PRSS23: variants seen among roughly 807,000 people sequenced by gnomAD.
The protein encoded by PRSS23 is protease, serine 23.
PRSS23 carries 25 observed loss-of-function variants against 34.7 expected under a neutral mutation model. The ratio of observed to expected loss-of-function variants is 0.72; its 90% confidence interval spans 0.53 to 1.01. The LOEUF (loss-of-function observed/expected upper bound fraction) is 1.01, where lower values mean the gene tolerates loss of function less well. PRSS23 is among the 50% of genes least tolerant of loss of function. PRSS23 has a pLI of 0.00. For missense variants in PRSS23, 445 were observed against 475.6 expected (o/e 0.94, Z 0.60); for synonymous variants, 176 against 186.6 (o/e 0.94, Z 0.46).
intron 2 of PRSS23, among the ~76,000 whole-genome samples, chr11:86,923,381 A>G (rs4567493): frequency 0.6 from 91,211 of 151,992 alleles, 27,689 homozygotes; most frequent in Non-Finnish European, 0.65. Flanking sequence ...AGCCTCCCAA[A>G]TTGCTGGGAT....
chr11:86,832,882 G>C (rs1948371212), intron 2 of PRSS23: 1 of 326,884 alleles, frequency 3.1e-6, no homozygotes, highest in African/African-American at 2.2e-5. Flanking sequence ...TGGTGAAGGT[G>C]TCACAACACG....
intron 2 of PRSS23, among the ~76,000 whole-genome samples, chr11:86,877,362 C>A (rs368284227): frequency 3.9e-5 from 6 of 152,212 alleles, no homozygotes; most frequent in East Asian, 3.8e-4. Context: ...TTTCTTCTTA[C>A]ACGGTTCCCG....
At chr11:86,831,748 T>C (rs1481948638) in intron 2 of PRSS23, among the ~76,000 whole-genome samples, 2 of 151,924 alleles carry the variant, frequency 1.3e-5, no homozygotes, top group Non-Finnish European at 2.9e-5. Flanking sequence ...AATGTCATAA[T>C]GCTTGTACAC....
Position 86,823,734 on chromosome 11 carries a change from C to T in PRSS23, c.206+141C>T, listed in dbSNP as rs374126258. On this transcript the variant is annotated intron_variant, in intron 2 of 2. Transcript: ENST00000533902. ...TCAAGAATTCAGAGCAGGCCGGGCGCGGTGGCTCACGCCTGTAATCCCAGC... is the reference window on the plus strand; with the variant it reads ...TCAAGAATTCAGAGCAGGCCGGGCGTGGTGGCTCACGCCTGTAATCCCAGC... 122 of 623,220 alleles carry T rather than the reference C, an allele frequency of 2.0e-4. 1 individual carries two copies. Among genetic ancestry groups the T allele is most frequent in the South Asian group, 3.1e-4 (17 of 55,212 alleles). 38.6% of individuals were successfully genotyped at this position (623,220 alleles called of 1,614,324 possible).
At chr11:86,896,549 T>C (rs1948877280) in intron 2 of PRSS23, 1 of 152,238 alleles carries the variant, frequency 6.6e-6, no homozygotes, top group Non-Finnish European at 1.5e-5. Flanking sequence ...TCCTGCATGA[T>C]AGAAACCCTT....
chr11:86,951,459 GTCTT>G (rs1949291534), exon 3 of PRSS23: 2 of 1,613,804 alleles, frequency 1.2e-6, no homozygotes, highest in African/African-American at 1.3e-5. Flanking sequence ...TTGACCATCA[GTCTT>G]TCTAACTTGT....
chr11:86,864,254 G>A (rs1160475472), intron 2 of PRSS23, among the ~76,000 whole-genome samples: 3 of 151,978 alleles, frequency 2.0e-5, no homozygotes, highest in Admixed American at 2.0e-4. Flanking sequence ...TAGTGTTCCT[G>A]GCCTGACACA....
chr11:86,793,330 T>C (rs139204929), intron 1 of PRSS23, among the ~76,000 whole-genome samples: 5 of 152,306 alleles, frequency 3.3e-5, no homozygotes, highest in African/African-American at 1.2e-4. Flanking sequence ...GAAACACATA[T>C]TGTCCAATAG....
chr11:86,918,176 AT>A (rs1478205811), intron 2 of PRSS23, among the ~76,000 whole-genome samples: 1 of 151,374 alleles, frequency 6.6e-6, no homozygotes, highest in Admixed American at 6.6e-5. Flanking sequence ...TACGTAGGAA[AT>A]AAAATAAAGC....
At chr11:86,937,477 T>C (rs1291511275) in intron 2 of PRSS23, 1 of 152,036 alleles carries the variant, frequency 6.6e-6, no homozygotes, top group East Asian at 1.9e-4. Context: ...AGTCACAGGA[T>C]GAGATAGGAG....
chr11:86,831,132 C>T lies in PRSS23; in HGVS notation c.206+7539C>T, dbSNP rs150629397. On this transcript the variant is annotated intron_variant, in intron 2 of 2. Transcript: ENST00000533902. ...CTAATGTCACAGAAGGTGTACACTC[C>T]GTGATATTATTTTTTATATCCTAGC... Among the ~76,000 whole-genome samples the T allele has an allele frequency of 1.4e-3, 216 of 151,966 alleles. 1 individual carries two copies. The highest frequency in any genetic ancestry group is 4.8e-3 in the African/African-American group (198 of 41,422).
At chr11:86,884,584 A>G (rs2511886) in intron 2 of PRSS23, among the ~76,000 whole-genome samples, 70,607 of 152,096 alleles carry the variant, frequency 0.46, 17,720 homozygotes, top group Non-Finnish European at 0.56. Context: ...TTACAGGCGT[A>G]AGCCACCACA....
chr11:86,858,382 G>A (rs751280630), intron 2 of PRSS23, among the ~76,000 whole-genome samples: 1 of 151,952 alleles, frequency 6.6e-6, no homozygotes, highest in African/African-American at 2.4e-5. Flanking sequence ...ATCCAGGGAG[G>A]GAGAGGATGT....
At chr11:86,847,392 C>T (rs991455326) in intron 2 of PRSS23, among the ~76,000 whole-genome samples, 1 of 152,184 alleles carries the variant, frequency 6.6e-6, no homozygotes, top group Non-Finnish European at 1.5e-5. Context: ...AGTCCTTGTG[C>T]CCCATTTAGT....
intron 1 of PRSS23, among the ~76,000 whole-genome samples, chr11:86,801,170 A>C (rs1948033234): frequency 6.6e-6 from 1 of 152,196 alleles, no homozygotes. Context: ...TGGGAAATAG[A>C]ATCTTTTCTC....
intron 2 of PRSS23, among the ~76,000 whole-genome samples, chr11:86,896,121 C>A (rs1948873174): frequency 6.6e-6 from 1 of 151,940 alleles, no homozygotes; most frequent in Non-Finnish European, 1.5e-5. Context: ...TCAGAGACCC[C>A]AACTAAAACT....
At chr11:86,942,644 G>A (rs909250176) in intron 2 of PRSS23, among the ~76,000 whole-genome samples, 1 of 152,162 alleles carries the variant, frequency 6.6e-6, no homozygotes, top group Non-Finnish European at 1.5e-5. Context: ...TCTTTCCCTG[G>A]GAATTTGAGA....
At chr11:86,939,232 CA>C in intron 2 of PRSS23, 1 of 284,462 alleles carries the variant, frequency 3.5e-6, no homozygotes, top group Non-Finnish European at 6.9e-6. Flanking sequence ...AACACATAAA[CA>C]AAAAATTCTA....
At chr11:86,853,916 GT>G (rs1303448032) in intron 2 of PRSS23, among the ~76,000 whole-genome samples, 1 of 152,082 alleles carries the variant, frequency 6.6e-6, no homozygotes, top group Non-Finnish European at 1.5e-5. Flanking sequence ...CCATCCTAAT[GT>G]GTGGTATCAC....
Sources: allele counts gnomAD v4.1 joint callset (sites outside exome capture counted in the v4.1 genomes callset), GRCh38; gene constraint gnomAD v4.1.1; transcripts MANE v1.5; gene names NCBI Gene and HGNC (gene_info 2026-07-23, HGNC 2026-07-21).